Variants in KCNIP4 observed in about 807,000 individuals in gnomAD.
The protein encoded by KCNIP4 is Kv channel-interacting protein 4.
A neutral mutation model predicts 34.0 loss-of-function variants in KCNIP4; 12 were observed. The observed-to-expected ratio is 0.35, with a 90% CI of 0.23 to 0.57. The LOEUF (loss-of-function observed/expected upper bound fraction) is 0.57. Ranked by LOEUF, KCNIP4 falls within the 20% of genes least tolerant of loss-of-function variation. The pLI is 0.83. For missense variants in KCNIP4, 238 were observed against 311.7 expected (o/e 0.76, Z 1.78); for synonymous variants, 124 against 102.2 (o/e 1.21, Z -1.29).
chr4:21,500,721 A>G (rs1354271222), intron 1 of KCNIP4, among the ~76,000 whole-genome samples: 1 of 152,202 alleles, frequency 6.6e-6, no homozygotes, highest in Non-Finnish European at 1.5e-5. Flanking sequence ...TGTAAAACAC[A>G]TGTGACTCTT....
chr4:21,041,267 C>T (rs1004912959), intron 1 of KCNIP4, among the ~76,000 whole-genome samples: 1 of 151,572 alleles, frequency 6.6e-6, no homozygotes, highest in African/African-American at 2.4e-5. Context: ...CACACACACG[C>T]ACATGAAAAT....
At position 21,101,841 on chromosome 4, in the gene KCNIP4, G is replaced by A. The variant is rs1272990605; in HGVS notation, c.62-219132C>T. Reference sequence around the variant, plus strand: ...ACAACACATGACTCAGATTACAGAGGGAACAGGTCTTAAACATAGAAACTA... The same window carrying A: ...ACAACACATGACTCAGATTACAGAGAGAACAGGTCTTAAACATAGAAACTA... On this transcript the variant is annotated intron_variant, in intron 1 of 8. Transcript: ENST00000382152. Among the ~76,000 whole-genome samples, 3 of 152,116 alleles carry A rather than the reference G, an allele frequency of 2.0e-5. No homozygotes were observed. In the East Asian group the frequency reaches 5.8e-4, roughly 29 times the overall value.
chr4:21,527,949 T>C (rs943745594), intron 1 of KCNIP4, among the ~76,000 whole-genome samples: 3 of 152,160 alleles, frequency 2.0e-5, no homozygotes, highest in Non-Finnish European at 4.4e-5. Flanking sequence ...ACAAGTCCCA[T>C]TAATAGAAGC....
chr4:21,362,662 A>G (rs547067101), intron 1 of KCNIP4, among the ~76,000 whole-genome samples: 1 of 152,296 alleles, frequency 6.6e-6, no homozygotes, highest in Admixed American at 6.5e-5. Flanking sequence ...CCTCCCCTGC[A>G]CAAATGAACT....
chr4:21,246,657 GT>G (rs1396461235), intron 1 of KCNIP4, among the ~76,000 whole-genome samples: 2 of 152,076 alleles, frequency 1.3e-5, no homozygotes, highest in African/African-American at 4.8e-5. Context: ...GATTGGAAGG[GT>G]TAAACATAGT....
chr4:21,594,966 TA>T (rs1308354332), intron 1 of KCNIP4, among the ~76,000 whole-genome samples: 2 of 152,002 alleles, frequency 1.3e-5, no homozygotes, highest in Non-Finnish European at 2.9e-5. Context: ...TTACTTTTTT[TA>T]AAAAAATTTA....
intron 1 of KCNIP4, among the ~76,000 whole-genome samples, chr4:21,207,858 T>TC (rs1333299587): frequency 6.7e-6 from 1 of 150,142 alleles, no homozygotes; most frequent in Non-Finnish European, 1.5e-5. Flanking sequence ...TTTTTTTTTT[T>TC]CTGAGACATA....
intron 1 of KCNIP4, among the ~76,000 whole-genome samples, chr4:21,652,320 G>T (rs1028474522): frequency 6.6e-6 from 1 of 152,148 alleles, no homozygotes; most frequent in African/African-American, 2.4e-5. Flanking sequence ...AGGGGCAACA[G>T]AGTGTCAGGC....
chr4:21,786,504 T>C (rs1004620305), intron 1 of KCNIP4, among the ~76,000 whole-genome samples: 2 of 136,858 alleles, frequency 1.5e-5, no homozygotes, highest in African/African-American at 2.5e-5. Context: ...GTACCCAGGC[T>C]GTATGTTTAT....
chr4:21,669,421 C>T (rs1426805580), intron 1 of KCNIP4, among the ~76,000 whole-genome samples: 1 of 152,208 alleles, frequency 6.6e-6, no homozygotes, highest in African/African-American at 2.4e-5. Flanking sequence ...ATAACATTTT[C>T]TTTTCTTTAA....
At position 20,755,188 on chromosome 4, in the gene KCNIP4, A is replaced by G. The variant is rs529621777; in HGVS notation, c.358+3633T>C. Among the ~76,000 whole-genome samples, 5 of 152,308 alleles carry G rather than the reference A, an allele frequency of 3.3e-5. No homozygotes were observed. The East Asian group carries it at 7.7e-4, about 24-fold the overall frequency. ...TCCAAAGTATATCCAAATTCACTTA[A>G]TAACAGTCTTCCTGTGTTTTCTTAG... On this transcript the variant is annotated intron_variant, in intron 4 of 8. Transcript: ENST00000382152.
At chr4:21,025,722 T>G (rs1051211738) in intron 1 of KCNIP4, among the ~76,000 whole-genome samples, 2 of 151,362 alleles carry the variant, frequency 1.3e-5, no homozygotes, top group Non-Finnish European at 2.9e-5. Context: ...CCCGGCTAAT[T>G]TTTTTGTATT....
intron 1 of KCNIP4, among the ~76,000 whole-genome samples, chr4:21,932,737 A>T (rs1350818505): frequency 6.6e-6 from 1 of 152,052 alleles, no homozygotes; most frequent in African/African-American, 2.4e-5. Context: ...GTCTGGTGTG[A>T]TCATCACTGG....
intron 1 of KCNIP4, among the ~76,000 whole-genome samples, chr4:20,956,841 T>C (rs192872335): frequency 3.1e-4 from 47 of 152,274 alleles, no homozygotes; most frequent in Admixed American, 3.0e-3. Flanking sequence ...TAGAACTGAA[T>C]AGAATAATAT....
At chr4:20,797,600 A>G (rs1319437169) in intron 3 of KCNIP4, among the ~76,000 whole-genome samples, 1 of 152,204 alleles carries the variant, frequency 6.6e-6, no homozygotes, top group African/African-American at 2.4e-5. Flanking sequence ...GAGACCTTTA[A>G]AAGTAGAGCA....
intron 1 of KCNIP4, among the ~76,000 whole-genome samples, chr4:21,343,927 G>A (rs555346805): frequency 5.9e-5 from 9 of 152,118 alleles, no homozygotes; most frequent in Non-Finnish European, 7.4e-5. Context: ...GATGCTATGA[G>A]ACCCATTTTA....
chr4:21,389,011 A>C (rs546021799), intron 1 of KCNIP4, among the ~76,000 whole-genome samples: 1 of 150,570 alleles, frequency 6.6e-6, no homozygotes, highest in Non-Finnish European at 1.5e-5. Context: ...TTGAGACAGA[A>C]TCTCACTCTG....
intron 1 of KCNIP4, among the ~76,000 whole-genome samples, chr4:21,273,143 T>C (rs1430286429): frequency 6.6e-6 from 1 of 152,140 alleles, no homozygotes; most frequent in East Asian, 1.9e-4. Flanking sequence ...AAAGGACAAT[T>C]GAATAAACAT....
At chr4:21,207,245 C>T (rs537544022) in intron 1 of KCNIP4, among the ~76,000 whole-genome samples, 1 of 152,062 alleles carries the variant, frequency 6.6e-6, no homozygotes, top group South Asian at 2.1e-4. Context: ...TAAGAGAAAA[C>T]AAGAGTTAAA....
Sources: allele counts gnomAD v4.1 joint callset (sites outside exome capture counted in the v4.1 genomes callset), GRCh38; gene constraint gnomAD v4.1.1; transcripts MANE v1.5; gene names NCBI Gene and HGNC (gene_info 2026-07-23, HGNC 2026-07-21).